THSD7B: variants seen among roughly 807,000 people sequenced by gnomAD.
The protein encoded by THSD7B is thrombospondin type 1 domain containing 7B.
Under a neutral mutation model 213.6 loss-of-function variants are expected in THSD7B, and 138 were observed. The ratio of observed to expected loss-of-function variants is 0.65; its 90% CI spans 0.56 to 0.74. THSD7B has a LOEUF of 0.74. Among genes scored for constraint, THSD7B ranks in the 30% least tolerant of loss-of-function variants. THSD7B has a pLI of 0.00. For missense variants in THSD7B, 1,931 were observed against 1,991.5 expected (o/e 0.97, Z 0.58); for synonymous variants, 742 against 687.0 (o/e 1.08, Z -1.25).
chr2:137,110,574 G>C (rs1198345858), intron 4 of THSD7B, among the ~76,000 whole-genome samples: 5 of 152,158 alleles, frequency 3.3e-5, no homozygotes, highest in Non-Finnish European at 5.9e-5. Context: ...TAAATGGAGG[G>C]CAGGTTTCTC....
intron 7 of THSD7B, among the ~76,000 whole-genome samples, chr2:137,210,681 T>C (rs1681083494): frequency 6.6e-6 from 1 of 152,062 alleles, no homozygotes; most frequent in African/African-American, 2.4e-5. Context: ...TGCATTTAAG[T>C]AGAGATGAGA....
intron 4 of THSD7B, among the ~76,000 whole-genome samples, chr2:137,112,961 G>T (rs1489415176): frequency 6.6e-6 from 1 of 152,136 alleles, no homozygotes; most frequent in East Asian, 1.9e-4. Flanking sequence ...CCAGAAAGCG[G>T]TGAAATTCTG....
intron 15 of THSD7B, among the ~76,000 whole-genome samples, chr2:137,460,811 A>G (rs752055557): frequency 2.6e-5 from 4 of 152,118 alleles, no homozygotes; most frequent in Non-Finnish European, 4.4e-5. Flanking sequence ...CCAGGTCAAG[A>G]AGTAACATAT....
chr2:137,211,183 CAAAT>C (rs1443329834), intron 7 of THSD7B, among the ~76,000 whole-genome samples: 6 of 151,968 alleles, frequency 3.9e-5, no homozygotes, highest in South Asian at 2.1e-4. Flanking sequence ...TTTGTATAAA[CAAAT>C]AGATACTGGC....
At chr2:137,420,640 G>A (rs1686904013) in intron 14 of THSD7B, among the ~76,000 whole-genome samples, 1 of 152,142 alleles carries the variant, frequency 6.6e-6, no homozygotes, top group Non-Finnish European at 1.5e-5. Flanking sequence ...CAAACAGCTG[G>A]CAGAGTGTCA....
At chr2:136,948,648 T>C (rs1466713661) in intron 2 of THSD7B, among the ~76,000 whole-genome samples, 1 of 152,224 alleles carries the variant, frequency 6.6e-6, no homozygotes, top group Non-Finnish European at 1.5e-5. Context: ...TGTGTATATA[T>C]ACTTACATGC....
intron 2 of THSD7B, among the ~76,000 whole-genome samples, chr2:137,003,468 G>A (rs1181503162): frequency 1.3e-5 from 2 of 152,212 alleles, no homozygotes; most frequent in Non-Finnish European, 1.5e-5. Context: ...TTTGAAGTCA[G>A]TGACCAGAAT....
chr2:137,189,488 C>T (rs191003493), intron 7 of THSD7B, among the ~76,000 whole-genome samples: 22 of 152,108 alleles, frequency 1.4e-4, no homozygotes, highest in East Asian at 3.9e-4. Context: ...ACAAGGTCAA[C>T]GTCACCCATG....
At chr2:137,500,606 G>A (rs1679680170) in intron 15 of THSD7B, among the ~76,000 whole-genome samples, 1 of 152,134 alleles carries the variant, frequency 6.6e-6, no homozygotes, top group South Asian at 2.1e-4. Context: ...TTAACGCTCT[G>A]TGAAGCTATC....
At chr2:137,071,296 C>A (rs1312740701) in intron 3 of THSD7B, among the ~76,000 whole-genome samples, 1 of 152,218 alleles carries the variant, frequency 6.6e-6, no homozygotes, top group African/African-American at 2.4e-5. Flanking sequence ...ATTTGCATTT[C>A]TCTGATGGCC....
chr2:136,963,864 G>A (rs1052275433), intron 2 of THSD7B, among the ~76,000 whole-genome samples: 2 of 152,156 alleles, frequency 1.3e-5, no homozygotes, highest in Non-Finnish European at 2.9e-5. Context: ...ATAATTAGAC[G>A]TGTTTGTTAA....
intron 12 of THSD7B, among the ~76,000 whole-genome samples, chr2:137,361,136 G>C (rs1685247313): frequency 6.6e-6 from 1 of 152,180 alleles, no homozygotes; most frequent in Admixed American, 6.5e-5. Flanking sequence ...GTAGCTGAGG[G>C]ACCTGACTGT....
At chr2:137,399,515 C>T (rs1686301981) in intron 12 of THSD7B, among the ~76,000 whole-genome samples, 1 of 152,084 alleles carries the variant, frequency 6.6e-6, no homozygotes, top group Non-Finnish European at 1.5e-5. Flanking sequence ...TTTTAAACAC[C>T]TTCCCATTCT....
chr2:137,218,143 G>A (rs188826542), intron 7 of THSD7B, among the ~76,000 whole-genome samples: 6 of 152,074 alleles, frequency 3.9e-5, no homozygotes, highest in Admixed American at 3.9e-4. Context: ...CTCTTAAGTA[G>A]ACATCCAATA....
At chr2:137,149,416 G>C (rs1449566831) in intron 5 of THSD7B, among the ~76,000 whole-genome samples, 1 of 152,176 alleles carries the variant, frequency 6.6e-6, no homozygotes, top group East Asian at 1.9e-4. Flanking sequence ...GAGGGCCACT[G>C]TTCTCCAGAT....
chr2:137,607,475 TA>T (rs1682204420), intron 17 of THSD7B, among the ~76,000 whole-genome samples: 1 of 152,220 alleles, frequency 6.6e-6, no homozygotes, highest in African/African-American at 2.4e-5. Context: ...CAACATGGTT[TA>T]AAACTTCAGC....
chr2:137,294,322 A>C (rs111939898), intron 12 of THSD7B, among the ~76,000 whole-genome samples: 7,701 of 151,892 alleles, frequency 0.051, 466 homozygotes, highest in African/African-American at 0.14. Context: ...GTGGCTCACA[A>C]CTGTAATCCC....
chr2:137,511,891 C>A (rs1203023031), intron 15 of THSD7B, among the ~76,000 whole-genome samples: 2 of 152,032 alleles, frequency 1.3e-5, no homozygotes, highest in African/African-American at 4.8e-5. Flanking sequence ...TTTCTTATTC[C>A]TTTGCCACCT....
chr2:137,405,344 A>C (rs1156866094), intron 12 of THSD7B, among the ~76,000 whole-genome samples: 1 of 152,146 alleles, frequency 6.6e-6, no homozygotes, highest in Non-Finnish European at 1.5e-5. Flanking sequence ...AGGAGCAGGA[A>C]GTACAATAAA....
Sources: gnomAD v4.1 joint callset for allele counts (sites outside exome capture counted in the v4.1 genomes callset) on GRCh38, gnomAD v4.1.1 for gene constraint, MANE v1.5 for transcripts, NCBI Gene and HGNC (gene_info 2026-07-23, HGNC 2026-07-21) for gene names.